The following PIAS2 variants were observed in gnomAD, a reference collection of about 807,000 sequenced individuals.
The protein encoded by PIAS2 is protein inhibitor of activated STAT 2, also known as E3 SUMO-protein ligase PIAS2.
PIAS2 carries 19 observed loss-of-function variants against 69.7 expected under a neutral mutation model. That is an observed-to-expected ratio of 0.27 (90% CI 0.19 to 0.40). The LOEUF (loss-of-function observed/expected upper bound fraction) is 0.40, where lower values mean the gene tolerates loss of function less well. PIAS2 is among the 10% of genes least tolerant of loss of function. PIAS2 has a pLI of 1.00. For missense variants in PIAS2, 624 were observed against 757.0 expected (o/e 0.82, Z 2.06); for synonymous variants, 261 against 263.2 (o/e 0.99, Z 0.08).
At chr18:46,857,934 T>C (rs1158015439) in intron 3 of PIAS2, among the ~76,000 whole-genome samples, 1 of 152,044 alleles carries the variant, frequency 6.6e-6, no homozygotes, top group East Asian at 1.9e-4. Flanking sequence ...ATTAAGAAGG[T>C]TGCAAATGCA....
At chr18:46,914,891 T>A (rs1435241534) in intron 1 of PIAS2, 1 of 152,182 alleles carries the variant, frequency 6.6e-6, no homozygotes, top group Non-Finnish European at 1.5e-5. Flanking sequence ...CACCACAATA[T>A]ATTCTGATCC....
At chr18:46,881,447 A>G (rs2052245695) in intron 2 of PIAS2, among the ~76,000 whole-genome samples, 1 of 152,236 alleles carries the variant, frequency 6.6e-6, no homozygotes, top group African/African-American at 2.4e-5. Flanking sequence ...GAATATTGCT[A>G]TATAGATGCA....
chr18:46,889,041 G>C (rs1314159620), intron 2 of PIAS2, among the ~76,000 whole-genome samples: 1 of 152,134 alleles, frequency 6.6e-6, no homozygotes, highest in Non-Finnish European at 1.5e-5. Flanking sequence ...ACAAACAAAA[G>C]AACAAAGCTG....
rs1269062088 is a variant in PIAS2, at chr18:46,806,940, G to A, written c.*5493C>T. 15 of 152,134 alleles carry A rather than the reference G, an allele frequency of 9.9e-5. No homozygotes were observed. Among genetic ancestry groups the A allele is most frequent in the Admixed American group, 9.8e-4 (15 of 15,272 alleles). The allele number at this position is 152,134 out of a possible 1,614,324, so 9.4% of individuals were successfully genotyped here. On this transcript the variant is annotated 3_prime_UTR_variant, in exon 14 of 14. Transcript: ENST00000585916. The stretch of plus-strand genomic sequence containing the variant: ...ATTGTGCTACGCCAATCAAGAAAAT[G>A]TTGTACCTCAAACATCTGAAGGTAG...
At chr18:46,833,836 T>G (rs2044030439) in intron 9 of PIAS2, among the ~76,000 whole-genome samples, 1 of 152,182 alleles carries the variant, frequency 6.6e-6, no homozygotes, top group African/African-American at 2.4e-5. Flanking sequence ...ATAATGCAAG[T>G]AGTATCTCAG....
At chr18:46,818,273 C>T (rs1029261806) in intron 12 of PIAS2, 87 of 1,309,646 alleles carry the variant, frequency 6.6e-5, no homozygotes, top group South Asian at 7.6e-5. Flanking sequence ...GAGCACCATT[C>T]GCACCTGACA....
intron 2 of PIAS2, among the ~76,000 whole-genome samples, chr18:46,870,386 C>T (rs1415030935): frequency 2.6e-5 from 4 of 152,054 alleles, no homozygotes; most frequent in African/African-American, 9.7e-5. Flanking sequence ...GAGGCCGAGG[C>T]AGGTGGATCA....
intron 2 of PIAS2, among the ~76,000 whole-genome samples, chr18:46,883,899 T>A (rs1334553751): frequency 6.6e-6 from 1 of 152,088 alleles, no homozygotes; most frequent in African/African-American, 2.4e-5. Context: ...CCCAGCAACT[T>A]GGAAGGCCTG....
At chr18:46,831,213 T>C (rs374944143) in intron 9 of PIAS2, among the ~76,000 whole-genome samples, 1 of 152,294 alleles carries the variant, frequency 6.6e-6, no homozygotes, top group Non-Finnish European at 1.5e-5. Flanking sequence ...TATGTTGATA[T>C]GACAGCAATA....
At chr18:46,844,664 A>G (rs2045910703) in intron 7 of PIAS2, 70 bp downstream of exon 7, 1 of 534,064 alleles carries the variant, frequency 1.9e-6, no homozygotes, top group Non-Finnish European at 3.2e-6. Flanking sequence ...TATTTAAAGC[A>G]TTAAAGTATC....
chr18:46,823,039 C>T (rs2042349154), intron 11 of PIAS2, among the ~76,000 whole-genome samples: 2 of 149,552 alleles, frequency 1.3e-5, no homozygotes, highest in African/African-American at 4.9e-5. Flanking sequence ...AAGTTTGAGA[C>T]CAGACTACGG....
intron 2 of PIAS2, among the ~76,000 whole-genome samples, chr18:46,876,410 C>T (rs1047549513): frequency 6.6e-6 from 1 of 152,126 alleles, no homozygotes; most frequent in African/African-American, 2.4e-5. Flanking sequence ...GGATAAATTA[C>T]ATCTATTACA....
chr18:46,896,090 A>G (rs903854987), intron 1 of PIAS2, among the ~76,000 whole-genome samples: 1 of 151,614 alleles, frequency 6.6e-6, no homozygotes, highest in African/African-American at 2.4e-5. Context: ...AAAGTAGTCA[A>G]TTAAGGAAGC....
At chr18:46,856,248 G>C (rs555465626) in intron 3 of PIAS2, among the ~76,000 whole-genome samples, 1 of 151,848 alleles carries the variant, frequency 6.6e-6, no homozygotes, top group East Asian at 1.9e-4. Context: ...TGATCCGTCC[G>C]CCTTGGCCTC....
Position 46,828,099 on chromosome 18 carries a change from C to T in PIAS2, c.1368G>A (p.Val456=), listed in dbSNP as rs751231140. The T allele has an allele frequency of 1.2e-6, 2 of 1,613,216 alleles. No homozygotes were observed. The highest frequency in any genetic ancestry group is 3.3e-5 in the Admixed American group (2 of 59,896). ...SSSVLSKPCS[V]TVASEASKKK... ...TCTTGCTTGCCTCACTGGCTACAGT[C>T]ACTGAACAAGGCTTACTGAGGACGC... Residue 456 remains valine (V), a synonymous_variant, in exon 11 of 14, where the codon GTG becomes GTA. Transcript: ENST00000585916.
At chr18:46,902,695 T>C (rs1409228519) in intron 1 of PIAS2, among the ~76,000 whole-genome samples, 1 of 152,214 alleles carries the variant, frequency 6.6e-6, no homozygotes. Context: ...CCAACAAGAT[T>C]TTTGTAGATA....
At chr18:46,889,887 A>G (rs1481181233) in intron 2 of PIAS2, among the ~76,000 whole-genome samples, 1 of 152,252 alleles carries the variant, frequency 6.6e-6, no homozygotes, top group African/African-American at 2.4e-5. Flanking sequence ...TAAAACCAGA[A>G]GAAACAGCTA....
chr18:46,901,617 CTG>C (rs570651806), intron 1 of PIAS2, among the ~76,000 whole-genome samples: 13 of 152,122 alleles, frequency 8.5e-5, no homozygotes, highest in Non-Finnish European at 1.8e-4. Flanking sequence ...TGTCTTATCT[CTG>C]TATTTGTTTT....
intron 5 of PIAS2, chr18:46,853,399 C>T (rs1466713081): frequency 6.6e-6 from 1 of 152,052 alleles, no homozygotes; most frequent in Non-Finnish European, 1.5e-5. Flanking sequence ...ATCTGTTTTG[C>T]CAGGCTTTCT....
Sources: allele counts gnomAD v4.1 joint callset (sites outside exome capture counted in the v4.1 genomes callset), GRCh38; gene constraint gnomAD v4.1.1; transcripts MANE v1.5; gene names NCBI Gene and HGNC (gene_info 2026-07-23, HGNC 2026-07-21).